Variants in DMD observed in about 807,000 individuals in gnomAD.
The protein encoded by DMD is dystrophin, also known as mutant dystrophin.
A neutral mutation model predicts 330.1 loss-of-function variants in DMD; 63 were observed. The observed-to-expected ratio is 0.19, with a 90% CI of 0.16 to 0.24. DMD has a LOEUF of 0.24. Ranked by LOEUF, DMD falls within the 10% of genes least tolerant of loss-of-function variation. The pLI is 1.00. For synonymous variants in DMD, 1,223 were observed against 959.8 expected (o/e 1.27, Z -5.07); for missense variants, 3,344 against 2,684.1 (o/e 1.25, Z -5.43).
chrX:32,487,152 A>G (rs1223597930), intron 20 of DMD, among the ~76,000 whole-genome samples: 1 of 111,874 alleles, frequency 8.9e-6, no homozygotes, highest in Non-Finnish European at 1.9e-5. Context: ...AAAAATTTAC[A>G]AGAAAAAAAC....
intron 7 of DMD, among the ~76,000 whole-genome samples, chrX:32,783,317 A>G (rs1428259734): frequency 2.1e-5 from 2 of 95,344 alleles, no homozygotes; most frequent in Non-Finnish European, 4.0e-5. Context: ...CATATATGGT[A>G]TATATATACA....
At chrX:32,600,653 G>T (rs2056107673) in intron 12 of DMD, among the ~76,000 whole-genome samples, 2 of 107,468 alleles carry the variant, frequency 1.9e-5, no homozygotes, top group South Asian at 8.2e-4. Context: ...AACACAGAAC[G>T]CTGTTCATCA....
At chrX:32,962,477 C>T (rs12710613) in intron 2 of DMD, among the ~76,000 whole-genome samples, 41,003 of 110,211 alleles carry the variant, frequency 0.37, 6,719 homozygotes, top group African/African-American at 0.64. Flanking sequence ...TTTCTTTAAA[C>T]TGGCCTGTTT....
chrX:31,139,469 TTA>T (rs1271833885), intron 76 of DMD, among the ~76,000 whole-genome samples: 33 of 84,512 alleles, frequency 3.9e-4, no homozygotes, highest in African/African-American at 1.3e-3. Flanking sequence ...TACGTGGTGT[TTA>T]TATACACACA....
intron 2 of DMD, among the ~76,000 whole-genome samples, chrX:32,949,251 TACACACAC>T (rs10587318): frequency 0.17 from 15,590 of 89,435 alleles, 1,347 homozygotes; most frequent in African/African-American, 0.31. Flanking sequence ...AATCGTTACA[TACACACAC>T]ACACACACAC....
At chrX:31,623,314 A>C (rs1332368882) in intron 55 of DMD, among the ~76,000 whole-genome samples, 1 of 111,224 alleles carries the variant, frequency 9.0e-6, no homozygotes, top group Non-Finnish European at 1.9e-5. Flanking sequence ...ACCAGGCTGG[A>C]GTGCAGTGGC....
At chrX:31,349,158 T>C (rs1401621853) in intron 60 of DMD, among the ~76,000 whole-genome samples, 1 of 112,857 alleles carries the variant, frequency 8.9e-6, no homozygotes, top group African/African-American at 3.2e-5. Flanking sequence ...TATTTAATTA[T>C]GGGCTGGGCA....
chrX:32,809,736 G>T, intron 6 of DMD, 125 bp from the exon 7 acceptor site: 1 of 544,733 alleles, frequency 1.8e-6, no homozygotes, highest in East Asian at 3.7e-5. Context: ...TAAGTCTTGA[G>T]TGTAATTCAT....
chrX:31,721,446 A>G (rs899808273), intron 52 of DMD, among the ~76,000 whole-genome samples: 4 of 109,720 alleles, frequency 3.6e-5, no homozygotes, highest in African/African-American at 6.6e-5. Context: ...CAGAAAAGGA[A>G]GGAATTCTGC....
chrX:31,926,579 G>A (rs1569514571), intron 47 of DMD, among the ~76,000 whole-genome samples: 1 of 110,522 alleles, frequency 9.0e-6, no homozygotes, highest in Non-Finnish European at 1.9e-5. Context: ...GAGAGGCTGA[G>A]GCAGAAGAAT....
intron 42 of DMD, 79 bp from the exon 43 acceptor site, chrX:32,287,780 A>AC: frequency 1.5e-6 from 1 of 658,267 alleles, no homozygotes; most frequent in South Asian, 3.8e-5. Context: ...TATATATACA[A>AC]ATCCCAAAGG....
At chrX:31,192,835 T>C (rs904461673) in intron 67 of DMD, among the ~76,000 whole-genome samples, 1 of 112,186 alleles carries the variant, frequency 8.9e-6, no homozygotes, top group Non-Finnish European at 1.9e-5. Flanking sequence ...CCAAAATCTT[T>C]TGAATCTTTA....
chrX:32,606,673 T>C (rs898473692), intron 12 of DMD, among the ~76,000 whole-genome samples: 12 of 108,073 alleles, frequency 1.1e-4, no homozygotes, highest in East Asian at 5.8e-4. Flanking sequence ...CAGTAAATGA[T>C]TGGATAAAGA....
At chrX:32,939,678 T>C (rs2090268463) in intron 2 of DMD, among the ~76,000 whole-genome samples, 2 of 111,501 alleles carry the variant, frequency 1.8e-5, no homozygotes, top group South Asian at 7.4e-4. Flanking sequence ...CATATATCCA[T>C]CTAAAAATAG....
intron 7 of DMD, among the ~76,000 whole-genome samples, chrX:32,738,924 T>A (rs1003567509): frequency 1.8e-5 from 2 of 111,704 alleles, no homozygotes; most frequent in South Asian, 7.5e-4. Flanking sequence ...TTTGATAGAA[T>A]AAATGAGGCA....
intron 2 of DMD, among the ~76,000 whole-genome samples, chrX:33,010,108 A>ATGTG (rs1350809741): frequency 9.8e-6 from 1 of 102,467 alleles, no homozygotes; most frequent in Non-Finnish European, 2.0e-5. Context: ...GTATATGCAC[A>ATGTG]TATGTGCACA....
intron 7 of DMD, among the ~76,000 whole-genome samples, chrX:32,731,274 C>A (rs1258528767): frequency 8.9e-6 from 1 of 112,381 alleles, no homozygotes; most frequent in South Asian, 3.7e-4. Flanking sequence ...CCAACGGAAT[C>A]TCGCTGATTG....
At chrX:32,319,436 A>C (rs2097599425) in intron 41 of DMD, among the ~76,000 whole-genome samples, 1 of 111,865 alleles carries the variant, frequency 8.9e-6, no homozygotes, top group African/African-American at 3.2e-5. Context: ...TAATGAAAAA[A>C]CAAGTATCAA....
intron 1 of DMD, among the ~76,000 whole-genome samples, chrX:33,085,136 A>G (rs2094985777): frequency 8.9e-6 from 1 of 111,737 alleles, no homozygotes; most frequent in Admixed American, 9.6e-5. Flanking sequence ...TTAAACCTAT[A>G]TGTATTACTG....
Sources: allele counts gnomAD v4.1 joint callset (sites outside exome capture counted in the v4.1 genomes callset), GRCh38; gene constraint gnomAD v4.1.1; transcripts MANE v1.5; gene names NCBI Gene and HGNC (gene_info 2026-07-23, HGNC 2026-07-21).